COMMD1: variants seen among roughly 807,000 people sequenced by gnomAD.
The protein encoded by COMMD1 is COMM domain-containing protein 1.
In COMMD1, 10 loss-of-function variants were observed where a neutral mutation model predicts 17.2. The observed-to-expected ratio is 0.58, with a 90% CI of 0.36 to 0.99. The LOEUF is 0.99. COMMD1 is among the 50% of genes least tolerant of loss of function. The probability of loss-of-function intolerance (pLI) is 0.01; values close to 1 mark genes in which losing one functional copy is unlikely to be tolerated. For missense variants in COMMD1, 270 were observed against 231.8 expected (o/e 1.17, Z -1.07); for synonymous variants, 97 against 91.6 (o/e 1.06, Z -0.34).
At chr2:62,035,111 C>T (rs1009144790) in intron 2 of COMMD1, among the ~76,000 whole-genome samples, 20 of 152,226 alleles carry the variant, frequency 1.3e-4, no homozygotes, top group Non-Finnish European at 1.5e-5. Flanking sequence ...CACACTACTA[C>T]AGCACAGACC....
At chr2:61,900,800 T>C (rs975670395), upstream of COMMD1, among the ~76,000 whole-genome samples, 2 of 152,148 alleles carry the variant, frequency 1.3e-5, no homozygotes, top group Non-Finnish European at 2.9e-5. Flanking sequence ...CCAATAGATA[T>C]TGTAGGCTAC....
At chr2:61,943,085 A>G (rs947144085) in intron 1 of COMMD1, among the ~76,000 whole-genome samples, 7 of 152,236 alleles carry the variant, frequency 4.6e-5, no homozygotes, top group African/African-American at 7.2e-5. Context: ...AAGTAACAGC[A>G]GACTTAAAGC....
chr2:62,062,193 GA>G (rs1670879295), intron 2 of COMMD1, among the ~76,000 whole-genome samples: 1 of 151,552 alleles, frequency 6.6e-6, no homozygotes, highest in African/African-American at 2.4e-5. Context: ...TAAGGATACT[GA>G]GGTGGTTGTT....
At chr2:62,031,641 G>T (rs578029196) in intron 2 of COMMD1, among the ~76,000 whole-genome samples, 1 of 152,278 alleles carries the variant, frequency 6.6e-6, no homozygotes, top group East Asian at 1.9e-4. Context: ...CTGGGGGCCT[G>T]TTGTTTATGT....
intron 1 of COMMD1, among the ~76,000 whole-genome samples, chr2:61,890,719 C>T (rs1380044167): frequency 2.0e-5 from 3 of 150,584 alleles, no homozygotes; most frequent in East Asian, 2.0e-4. Context: ...CCCAGCTACT[C>T]GGGAGGCTGA....
intron 2 of COMMD1, among the ~76,000 whole-genome samples, chr2:62,036,285 AT>A (rs1202486855): frequency 1.3e-5 from 2 of 152,204 alleles, no homozygotes; most frequent in Admixed American, 6.5e-5. Flanking sequence ...TTTTATGGAC[AT>A]TGTTTTATCA....
chr2:61,916,439 A>G (rs1201818102), intron 1 of COMMD1, among the ~76,000 whole-genome samples: 1 of 151,686 alleles, frequency 6.6e-6, no homozygotes, highest in Non-Finnish European at 1.5e-5. Context: ...TTTATTTATT[A>G]AAGATGAGGT....
chr2:62,053,860 ATGGAACTTAAACT>A (rs1165638170), intron 2 of COMMD1, among the ~76,000 whole-genome samples: 1 of 152,258 alleles, frequency 6.6e-6, no homozygotes, highest in Non-Finnish European at 1.5e-5. Context: ...AAATAGACAA[ATGGAACTTAAACT>A]TTCTGCACAG....
intron 2 of COMMD1, among the ~76,000 whole-genome samples, chr2:62,106,331 T>C (rs1672323971): frequency 6.6e-6 from 1 of 152,232 alleles, no homozygotes; most frequent in Admixed American, 6.5e-5. Flanking sequence ...ACTTCTAACA[T>C]TCTTGGTTTT....
upstream of COMMD1, among the ~76,000 whole-genome samples, chr2:61,905,126 T>C (rs1252939931): frequency 6.6e-6 from 1 of 152,178 alleles, no homozygotes; most frequent in African/African-American, 2.4e-5. Flanking sequence ...AAAATATTTG[T>C]CATATAAAAG....
At chr2:61,919,319 C>G (rs1347319864) in intron 1 of COMMD1, among the ~76,000 whole-genome samples, 1 of 151,620 alleles carries the variant, frequency 6.6e-6, no homozygotes, top group Non-Finnish European at 1.5e-5. Flanking sequence ...GGCTCGGCCT[C>G]TTTTTTTTGT....
rs546599382 is a variant in COMMD1 at position 61,951,049 on chromosome 2, G to A, written c.180+45191G>A. On this transcript the variant is annotated intron_variant, in intron 1 of 2. Transcript: ENST00000311832. ...TGTAGATGGTTCTGTTGGCCTTTTT[G>A]CTGCCAATGGCAATGGGCAGACTCT... 5.3e-5 allele frequency among the ~76,000 whole-genome samples: 8 copies of A among 152,002 alleles called. No individual in the cohort carries two copies. In the East Asian group the frequency reaches 1.5e-3, roughly 29 times the overall value.
chr2:61,909,622 T>C (rs1572951383), intron 1 of COMMD1, among the ~76,000 whole-genome samples: 1 of 152,240 alleles, frequency 6.6e-6, no homozygotes, highest in Admixed American at 6.5e-5. Flanking sequence ...TTTATTCTTA[T>C]AATCTTGCTA....
intron 2 of COMMD1, among the ~76,000 whole-genome samples, chr2:62,100,765 G>A (rs1028091144): frequency 4.6e-5 from 7 of 151,978 alleles, no homozygotes; most frequent in South Asian, 2.1e-4. Context: ...TTTCCTATTC[G>A]GATCTTTAAA....
chr2:62,085,713 C>G lies in COMMD1; in HGVS notation c.463-50118C>G, dbSNP rs1671644780. On this transcript the variant is annotated intron_variant, in intron 2 of 2. Coordinates refer to ENST00000311832, the MANE Select transcript of COMMD1 (RefSeq NM_152516.4). Reference sequence around the variant, plus strand: ...AAGAAAATGAGGCTGGGCGTGGTGGCTCACGCCTGTAATCCCAGCACTTTG... The same window carrying G: ...AAGAAAATGAGGCTGGGCGTGGTGGGTCACGCCTGTAATCCCAGCACTTTG... Among the ~76,000 whole-genome samples, 5 of 151,908 alleles carry G rather than the reference C, an allele frequency of 3.3e-5. 1 individual carries two copies. Among genetic ancestry groups the G allele is most frequent in the Admixed American group, 3.3e-4 (5 of 15,268 alleles).
chr2:62,129,510 T>C (rs1672968591), intron 2 of COMMD1, among the ~76,000 whole-genome samples: 1 of 152,198 alleles, frequency 6.6e-6, no homozygotes. Flanking sequence ...TCCAGGTCTC[T>C]TGAAGTAAAG....
chr2:62,046,665 C>T (rs908033024), intron 2 of COMMD1, among the ~76,000 whole-genome samples: 3 of 152,310 alleles, frequency 2.0e-5, no homozygotes, highest in Admixed American at 2.0e-4. Context: ...GTTTATTTTC[C>T]TTCAATGAAT....
chr2:61,905,501 C>G, upstream of COMMD1: 1 of 607,502 alleles, frequency 1.6e-6, no homozygotes, highest in East Asian at 2.8e-5. Context: ...TGGAGGTATC[C>G]TAAGGGGATG....
At chr2:61,987,691 C>T (rs539291907) in intron 1 of COMMD1, among the ~76,000 whole-genome samples, 10 of 152,240 alleles carry the variant, frequency 6.6e-5, no homozygotes, top group Non-Finnish European at 1.3e-4. Flanking sequence ...ACCTGGCTAC[C>T]GCTCAAGGCC....
Sources: allele counts gnomAD v4.1 joint callset (sites outside exome capture counted in the v4.1 genomes callset), GRCh38; gene constraint gnomAD v4.1.1; transcripts MANE v1.5; gene names NCBI Gene and HGNC (gene_info 2026-07-23, HGNC 2026-07-21).